The following ITGA3 variants were observed in gnomAD, a reference collection of about 807,000 sequenced individuals.
ITGA3 encodes integrin alpha-3.
Under a neutral mutation model 131.1 loss-of-function variants are expected in ITGA3, and 70 were observed. The observed-to-expected ratio is 0.53, with a 90% CI of 0.44 to 0.65. The LOEUF (loss-of-function observed/expected upper bound fraction) is 0.65, where lower values mean the gene tolerates loss of function less well. Ranked by LOEUF, ITGA3 falls within the 30% of genes least tolerant of loss-of-function variation. The probability of loss-of-function intolerance (pLI) is 0.00; values close to 1 mark genes in which losing one functional copy is unlikely to be tolerated. For synonymous variants in ITGA3, 537 were observed against 571.6 expected, an observed-to-expected ratio of 0.94 and a Z score of 0.86; for missense variants, 1,098 against 1,388.6, an observed-to-expected ratio of 0.79 and a Z score of 3.33.
chr17:50,071,828 T>C (rs533750250), intron 6 of ITGA3, 158 bp from the exon 7 acceptor site: 4 of 669,322 alleles, frequency 6.0e-6, no homozygotes, highest in South Asian at 3.9e-5. Flanking sequence ...GGCATCTCCA[T>C]GTCCTTCCCA....
rs1359653107 is a variant in ITGA3, at chr17:50,076,604, C to T, written c.1845C>T (p.Cys615=). 1 of 1,613,466 alleles carries T rather than the reference C, an allele frequency of 6.2e-7. No individual in the cohort carries two copies. Among genetic ancestry groups the T allele is most frequent in the African/African-American group, 1.3e-5 (1 of 75,034 alleles). Residue 615 remains cysteine (C), a synonymous_variant, in exon 14 of 26, where the codon TGC becomes TGT. Coordinates refer to ENST00000320031, the MANE Select transcript of ITGA3 (RefSeq NM_002204.4). ...NHTEVQFQKE[C]GPDNKCESNL... ...CCCAGGTCCAGTTCCAGAAGGAGTG[C>T]GGGCCTGACAACAAGTGTGAGAGCA...
intron 22 of ITGA3, 128 bp from the exon 23 acceptor site, chr17:50,081,181 CA>C: frequency 1.6e-6 from 1 of 614,844 alleles, no homozygotes; most frequent in Non-Finnish European, 3.0e-6. Context: ...GCCTGGCTGA[CA>C]GATCCTTTGG....
At chr17:50,077,588 T>C (rs1176358170) in intron 16 of ITGA3, 141 bp downstream of exon 16, 7 of 685,460 alleles carry the variant, frequency 1.0e-5, no homozygotes, top group African/African-American at 1.8e-5. Context: ...AGAGACTCAG[T>C]AGAGGGTGAG....
At chr17:50,074,636 A>G in intron 10 of ITGA3, 102 bp downstream of exon 10, 1 of 805,072 alleles carries the variant, frequency 1.2e-6, no homozygotes, top group East Asian at 2.6e-5. Context: ...TCCCACCTTT[A>G]GAAATTTGAT....
At chr17:50,087,520 C>T in intron 23 of ITGA3, 1 of 490,266 alleles carries the variant, frequency 2.0e-6, no homozygotes, top group Non-Finnish European at 3.7e-6. Flanking sequence ...GGCCACCTCC[C>T]AGATCTGAGG....
chr17:50,067,946 G>T, intron 3 of ITGA3, 110 bp from the exon 4 acceptor site: 1 of 1,390,244 alleles, frequency 7.2e-7, no homozygotes. Context: ...GAAGCCAGGA[G>T]ATCTCCTTTG....
At chr17:50,060,595 G>A (rs1412112257) in intron 1 of ITGA3, among the ~76,000 whole-genome samples, 1 of 152,168 alleles carries the variant, frequency 6.6e-6, no homozygotes, top group Non-Finnish European at 1.5e-5. Flanking sequence ...GCCAATGGGA[G>A]GGTGAGGAGG....
At position 50,064,255 on chromosome 17, in the gene ITGA3, G is replaced by T. The variant is rs1228708483; in HGVS notation, c.334+51G>T. On this transcript the variant is annotated intron_variant, in intron 2 of 25. Coordinates refer to ENST00000320031, the MANE Select transcript of ITGA3 (RefSeq NM_002204.4). This position sits in a 1 kb window ranked among gnomAD's most constrained non-coding sequence, Gnocchi z 4.4. ...TGCTGGGTCAGAGGTCTGGCAGGGG[G>T]GTACCGCAGAGAGAATGGCCTGGAG... 1 of 1,566,986 alleles carries T rather than the reference G, an allele frequency of 6.4e-7. No individual in the cohort carries two copies. Among genetic ancestry groups the T allele is most frequent in the South Asian group, 1.2e-5 (1 of 85,852 alleles).
chr17:50,070,731 G>A (rs1233485478), intron 4 of ITGA3, 113 bp from the exon 5 acceptor site: 1 of 672,934 alleles, frequency 1.5e-6, no homozygotes, highest in Non-Finnish European at 2.7e-6. Context: ...CAATAAAAGG[G>A]GTTATTACTA....
chr17:50,087,796 A>T lies in ITGA3; in HGVS notation c.2972A>T (p.Glu991Val). The change falls in exon 24 of 26, where the codon GAG (glutamate) becomes GTG (valine). Residue 991 changes from glutamate (E) to valine (V), a missense_variant. Glu to Val is a moderately radical substitution (Grantham distance 121). This residue lies in a region of ITGA3 where 699 missense variants were observed against 829.2 expected (regional missense o/e 0.84). Transcript: ENST00000320031. Reference sequence around the variant, plus strand: ...GTGGAGGAGCTGCCGGCCGAAATCGAGCTGTGGCTGGTGCTGGTGGCCGTG... The same window carrying T: ...GTGGAGGAGCTGCCGGCCGAAATCGTGCTGTGGCTGGTGCTGGTGGCCGTG... Reference protein sequence around the residue: ...ELVEELPAEIELWLVLVAVGA... With the variant: ...ELVEELPAEIVLWLVLVAVGA... 6.2e-7 allele frequency: 1 copy of T among 1,613,190 alleles called. No individual in the cohort carries two copies. The highest frequency in any genetic ancestry group is 8.5e-7 in the Non-Finnish European group (1 of 1,179,744).
rs1001042287 is a variant in ITGA3 at position 50,085,332 on chromosome 17, A to T, written c.2920-2412A>T. Among the ~76,000 whole-genome samples, 15 of 152,048 alleles carry T rather than the reference A, an allele frequency of 9.9e-5. No homozygotes were observed. The South Asian group carries it at 2.5e-3, about 25-fold the overall frequency. ...TATTTAAAACTATGGAAAGAGATTC[A>T]CCAGAGATTACAGAGATCGTAATTT... On this transcript the variant is annotated intron_variant, in intron 23 of 25. Transcript: ENST00000320031.
chr17:50,081,731 A>G lies in ITGA3; in HGVS notation c.2919+323A>G, dbSNP rs3785924. Among the ~76,000 whole-genome samples, 277 of 152,234 alleles carry G rather than the reference A, an allele frequency of 1.8e-3. 3 individuals are homozygous for G. The East Asian group carries it at 0.051, about 28-fold the overall frequency. ...AGGGCTGGGACTGCCTCTCTATTTT[A>G]TGGCTGAGAGGCTGAGGCCTAGAGA... On this transcript the variant is annotated intron_variant, in intron 23 of 25. Transcript: ENST00000320031.
intron 23 of ITGA3, among the ~76,000 whole-genome samples, chr17:50,085,852 ATG>A (rs1491565972): frequency 6.7e-5 from 5 of 74,584 alleles, no homozygotes; most frequent in African/African-American, 2.0e-4. Flanking sequence ...TAGATTTATA[ATG>A]TATATTAGAT....
intron 18 of ITGA3, 146 bp downstream of exon 18, chr17:50,078,430 TAAC>T (rs1003391281): frequency 4.1e-5 from 26 of 636,940 alleles, no homozygotes; most frequent in Non-Finnish European, 6.1e-5. Context: ...ATCCTTTTCT[TAAC>T]AACAACAATC....
At chr17:50,076,083 G>T (rs1225112474) in intron 12 of ITGA3, among the ~76,000 whole-genome samples, 2 of 152,088 alleles carry the variant, frequency 1.3e-5, no homozygotes, top group African/African-American at 4.8e-5. Context: ...GCTCAACCTG[G>T]AGACCCTGTG....
At chr17:50,059,230 C>T (rs1031270026) in intron 1 of ITGA3, among the ~76,000 whole-genome samples, 54 of 152,230 alleles carry the variant, frequency 3.5e-4, no homozygotes, top group African/African-American at 1.2e-3. Context: ...TGAGGGGTTC[C>T]TTGGAGGGAC....
chr17:50,064,656 C>T lies in ITGA3; in HGVS notation c.414+49C>T. ...TCCTCCACCTCTACCCGGCTCTCCC[C>T]TCATCTCCAGAGCTGGGAGGAAAGA... On this transcript the variant is annotated intron_variant, in intron 3 of 25. Coordinates refer to ENST00000320031, the MANE Select transcript of ITGA3 (RefSeq NM_002204.4). This position sits in a 1 kb window ranked among gnomAD's most constrained non-coding sequence, Gnocchi z 4.4. 3.3e-6 allele frequency: 5 copies of T among 1,506,054 alleles called. No individual in the cohort carries two copies. The highest frequency in any genetic ancestry group is 4.6e-6 in the Non-Finnish European group (5 of 1,097,352). 93.3% of individuals were successfully genotyped at this position (1,506,054 alleles called of 1,614,324 possible).
rs1419146269 is a variant in ITGA3, at chr17:50,085,874, T to C, written c.2920-1870T>C. On this transcript the variant is annotated intron_variant, in intron 23 of 25. Transcript: ENST00000320031. ...ATAATGTATATTAGATTATACATTA[T>C]AGATTTATAATGTATATTAGATTAT... Among the ~76,000 whole-genome samples the C allele has an allele frequency of 3.5e-4, 47 of 134,298 alleles. 1 individual carries two copies. Among genetic ancestry groups the C allele is most frequent in the Non-Finnish European group, 4.8e-4 (31 of 64,522 alleles). 88.1% of individuals were successfully genotyped at this position (134,298 alleles called of 152,430 possible). A position where few individuals can be genotyped will look rare whatever the true frequency, so the allele number is the denominator to read the frequency against.
chr17:50,077,314 C>A, intron 15 of ITGA3, 65 bp from the exon 16 acceptor site: 1 of 1,463,132 alleles, frequency 6.8e-7, no homozygotes, highest in Non-Finnish European at 9.5e-7. Flanking sequence ...GACCTTGCAC[C>A]ACAGAGGAGG....
Sources: gnomAD v4.1 joint callset for allele counts (sites outside exome capture counted in the v4.1 genomes callset) on GRCh38, gnomAD v4.1.1 for gene constraint, gnomAD v4.1.1 regional missense constraint, Gnocchi (gnomAD v3.1) non-coding constraint, MANE v1.5 for transcripts, NCBI Gene and HGNC (gene_info 2026-07-23, HGNC 2026-07-21) for gene names.